LAMA4: variants seen among roughly 807,000 people sequenced by gnomAD.
LAMA4 encodes the protein laminin subunit alpha-4.
A neutral mutation model predicts 207.1 loss-of-function variants in LAMA4; 127 were observed. The ratio of observed to expected loss-of-function variants is 0.61; its 90% confidence interval spans 0.53 to 0.71. The LOEUF (loss-of-function observed/expected upper bound fraction) is 0.71, where lower values mean the gene tolerates loss of function less well. LAMA4 is among the 30% of genes least tolerant of loss of function. LAMA4 has a pLI of 0.00. For missense variants in LAMA4, 2,093 were observed against 2,246.5 expected (o/e 0.93, Z 1.38); for synonymous variants, 761 against 816.0 (o/e 0.93, Z 1.15).
chr6:112,135,108 GGTGT>G (rs55812235), intron 25 of LAMA4, among the ~76,000 whole-genome samples: 3 of 150,880 alleles, frequency 2.0e-5, no homozygotes, highest in Non-Finnish European at 3.0e-5. Context: ...GTCCCTTTGT[GGTGT>G]GTGTGTGTGT....
chr6:112,136,926 A>T (rs2114679730), intron 24 of LAMA4, among the ~76,000 whole-genome samples: 1 of 152,320 alleles, frequency 6.6e-6, no homozygotes, highest in East Asian at 1.9e-4. Flanking sequence ...TTTAAAAATT[A>T]TAACAGGCCA....
chr6:112,168,030 C>CTACTAAAATACTAAAAA (rs1781487930), intron 12 of LAMA4, among the ~76,000 whole-genome samples: 1 of 151,964 alleles, frequency 6.6e-6, no homozygotes, highest in Non-Finnish European at 1.5e-5. Flanking sequence ...AACCCCATCT[C>CTACTAAAATACTAAAAA]TACTAAAAAT....
At chr6:112,228,176 T>C (rs1583951791) in intron 2 of LAMA4, among the ~76,000 whole-genome samples, 1 of 152,194 alleles carries the variant, frequency 6.6e-6, no homozygotes, top group East Asian at 1.9e-4. Context: ...ACCCACAAGC[T>C]CAGGCCAAAG....
chr6:112,182,789 T>C (rs1782445791), intron 9 of LAMA4, among the ~76,000 whole-genome samples: 1 of 152,146 alleles, frequency 6.6e-6, no homozygotes, highest in Admixed American at 6.5e-5. Flanking sequence ...TGTAGCCCAG[T>C]GACACTCTGA....
intron 14 of LAMA4, 133 bp downstream of exon 14, chr6:112,158,596 CATA>C: frequency 1.1e-6 from 1 of 877,646 alleles, no homozygotes; most frequent in Non-Finnish European, 1.8e-6. Context: ...AACCAACCAA[CATA>C]TCAACACATA....
chr6:112,132,063 T>C (rs1240759033), intron 28 of LAMA4, among the ~76,000 whole-genome samples: 1 of 152,164 alleles, frequency 6.6e-6, no homozygotes, highest in Admixed American at 6.6e-5. Flanking sequence ...TGTTTGTTCA[T>C]TGCATACAAA....
In LAMA4 at chr6:112,254,224, C is replaced by G. The variant is rs1554190646; in HGVS notation, c.-74G>C. 16 of 1,587,958 alleles carry G rather than the reference C, an allele frequency of 1.0e-5. No homozygotes were observed. The highest frequency in any genetic ancestry group is 1.3e-5 in the Non-Finnish European group (15 of 1,162,848). ...GTCTCCGTAGGTCTCCCGCGTGGTG[C>G]GGCGGTGCCTCGCTTATTTTCCCTC... is the stretch of plus-strand genomic sequence containing the variant. On this transcript the variant is annotated 5_prime_UTR_variant, in exon 2 of 39. Transcript: ENST00000230538.
intron 6 of LAMA4, among the ~76,000 whole-genome samples, chr6:112,191,042 C>A (rs1783088583): frequency 6.6e-6 from 1 of 151,192 alleles, no homozygotes; most frequent in South Asian, 2.1e-4. Context: ...GTCACACAGG[C>A]TGGAGTGCGG....
intron 9 of LAMA4, chr6:112,179,056 T>C (rs1782192246): frequency 6.6e-6 from 1 of 152,206 alleles, no homozygotes; most frequent in African/African-American, 2.4e-5. Context: ...CAGTGCTTCA[T>C]TCCAAATTCC....
At chr6:112,240,503 A>G (rs1267815971) in intron 2 of LAMA4, among the ~76,000 whole-genome samples, 2 of 152,040 alleles carry the variant, frequency 1.3e-5, no homozygotes, top group Non-Finnish European at 1.5e-5. Context: ...CATGCTTTCT[A>G]TTTTTTGTGT....
intron 12 of LAMA4, among the ~76,000 whole-genome samples, chr6:112,168,401 A>T (rs1448540824): frequency 1.4e-5 from 2 of 142,816 alleles, no homozygotes; most frequent in African/African-American, 5.1e-5. Flanking sequence ...GCTAGAGTGC[A>T]ATGGCACAAT....
At chr6:112,215,183 C>T (rs531863413) in intron 3 of LAMA4, among the ~76,000 whole-genome samples, 2 of 152,230 alleles carry the variant, frequency 1.3e-5, no homozygotes, top group African/African-American at 4.8e-5. Context: ...GCTGCAGAAG[C>T]CTACACTGTG....
At chr6:112,231,170 T>A (rs80110510) in intron 2 of LAMA4, among the ~76,000 whole-genome samples, 5 of 152,216 alleles carry the variant, frequency 3.3e-5, no homozygotes, top group African/African-American at 1.2e-4. Context: ...AAGAGTCTCA[T>A]AGAAGATATC....
At chr6:112,233,557 A>G (rs1006962547) in intron 2 of LAMA4, among the ~76,000 whole-genome samples, 5 of 152,214 alleles carry the variant, frequency 3.3e-5, no homozygotes, top group African/African-American at 9.6e-5. Context: ...TGAGAGGTAC[A>G]AAGAAATGCT....
At chr6:112,182,173 T>C (rs1554345438) in intron 9 of LAMA4, among the ~76,000 whole-genome samples, 1 of 152,102 alleles carries the variant, frequency 6.6e-6, no homozygotes, top group Non-Finnish European at 1.5e-5. Flanking sequence ...GGAATAGAAA[T>C]GTAAACAGTT....
rs976022293 is a variant in LAMA4, at chr6:112,155,377, A to G, written c.1959+188T>C. 7.8e-6 allele frequency: 5 copies of G among 644,878 alleles called. No homozygotes were observed. In the East Asian group the frequency reaches 1.4e-4, roughly 18 times the overall value. 39.9% of individuals were successfully genotyped at this position (644,878 alleles called of 1,614,324 possible). A position where few individuals can be genotyped will look rare whatever the true frequency, so the allele number is the denominator to read the frequency against. On this transcript the variant is annotated intron_variant, in intron 15 of 38. Transcript: ENST00000230538. ...AACTGGCATTTGCTGACTGGACTAC[A>G]GCACATCTCGAAGAATCTGCAGACT...
intron 2 of LAMA4, among the ~76,000 whole-genome samples, chr6:112,246,926 A>T (rs559773288): frequency 4.3e-4 from 66 of 152,366 alleles, no homozygotes; most frequent in Non-Finnish European, 7.6e-4. Flanking sequence ...ACCATAAAAG[A>T]CACAATGATT....
Position 112,140,918 on chromosome 6 carries a change from C to T in LAMA4, c.2818G>A (p.Gly940Arg). The T allele has an allele frequency of 1.2e-6, 2 of 1,610,430 alleles. No homozygotes were observed. Among genetic ancestry groups the T allele is most frequent in the South Asian group, 1.1e-5 (1 of 90,992 alleles). Residue 940 changes from glycine (G) to arginine (R), a missense_variant, in exon 22 of 39, where the codon GGA becomes AGA. Physicochemically the swap from Gly to Arg is moderately radical, Grantham distance 125. Coordinates refer to ENST00000230538, the MANE Select transcript of LAMA4 (RefSeq NM_001105206.3). Reference sequence around the variant, plus strand: ...GTTAAAAACACCTTTCCATGTTTTCCCACCCTATTGAGATAAATAATTTTC... The same window carrying T: ...GTTAAAAACACCTTTCCATGTTTTCTCACCCTATTGAGATAAATAATTTTC... ...YFSIVKIERV[G>R]KHGKVFLTVP... is the part of the protein sequence containing the mutation.
At chr6:112,234,622 T>A (rs1397077001) in intron 2 of LAMA4, 1 of 150,816 alleles carries the variant, frequency 6.6e-6, no homozygotes, top group Admixed American at 6.6e-5. Context: ...ACCAACGTAG[T>A]TTAGATAATC....
Sources: gnomAD v4.1 joint callset for allele counts (sites outside exome capture counted in the v4.1 genomes callset) on GRCh38, gnomAD v4.1.1 for gene constraint, MANE v1.5 for transcripts, NCBI Gene and HGNC (gene_info 2026-07-23, HGNC 2026-07-21) for gene names.